GRIP1: variants seen among roughly 807,000 people sequenced by gnomAD.
GRIP1 encodes the protein glutamate receptor interacting protein 1.
A neutral mutation model predicts 129.9 loss-of-function variants in GRIP1; 45 were observed. The observed-to-expected ratio is 0.35, with a 90% confidence interval of 0.27 to 0.44. The LOEUF (loss-of-function observed/expected upper bound fraction) is 0.44, where lower values mean the gene tolerates loss of function less well. GRIP1 is among the 20% of genes least tolerant of loss of function. GRIP1 has a pLI of 1.00. For synonymous variants in GRIP1, 530 were observed against 520.8 expected, an observed-to-expected ratio of 1.02 and a Z score of -0.24; for missense variants, 1,196 against 1,396.8, an observed-to-expected ratio of 0.86 and a Z score of 2.29.
At chr12:66,962,567 G>A (rs1031072315) in intron 1 of GRIP1, among the ~76,000 whole-genome samples, 3 of 152,066 alleles carry the variant, frequency 2.0e-5, no homozygotes, top group Non-Finnish European at 2.9e-5. Context: ...CCCCTATGAA[G>A]CCACGGCATT....
At chr12:66,722,650 A>C (rs148644985) in intron 1 of GRIP1, among the ~76,000 whole-genome samples, 8 of 152,342 alleles carry the variant, frequency 5.3e-5, no homozygotes, top group African/African-American at 1.7e-4. Flanking sequence ...TTTTCTGTGA[A>C]GCACATAGGG....
intron 1 of GRIP1, among the ~76,000 whole-genome samples, chr12:66,654,830 G>A (rs999648544): frequency 8.5e-5 from 13 of 152,128 alleles, no homozygotes; most frequent in African/African-American, 1.2e-4. Context: ...GTTAGCCACT[G>A]GGGATAAACA....
intron 1 of GRIP1, among the ~76,000 whole-genome samples, chr12:66,727,103 C>T (rs993023056): frequency 1.1e-4 from 16 of 152,110 alleles, no homozygotes; most frequent in Non-Finnish European, 2.2e-4. Flanking sequence ...TTTAAAGTCA[C>T]GATTAGAAGA....
chr12:66,630,554 G>T (rs778837680), intron 1 of GRIP1, among the ~76,000 whole-genome samples: 1 of 152,152 alleles, frequency 6.6e-6, no homozygotes, highest in Non-Finnish European at 1.5e-5. Context: ...TCTTGGAGAA[G>T]TTAGTTGAAA....
chr12:66,909,956 T>A (rs1335171320), intron 1 of GRIP1, among the ~76,000 whole-genome samples: 3 of 152,046 alleles, frequency 2.0e-5, no homozygotes, highest in African/African-American at 7.2e-5. Context: ...ACAACTTAAG[T>A]TTTTTTTATC....
rs149473925 is a variant in GRIP1, at chr12:66,722,337, G to A, written c.-420+81716C>T. 2.1e-3 allele frequency among the ~76,000 whole-genome samples: 320 copies of A among 152,230 alleles called. 1 individual carries two copies. The highest frequency in any genetic ancestry group is 6.7e-3 in the African/African-American group (280 of 41,522). ...CTAATTTCAATATTGTTGTGTCTCA[G>A]GGAATAGGAAGGTCCCAGGAGAGGG... On this transcript the variant is annotated intron_variant, in intron 1 of 4. Coordinates refer to the GRIP1 transcript ENST00000538373.
chr12:66,455,414 C>A lies in GRIP1; in HGVS notation c.1349G>T (p.Ser450Ile). 6.2e-7 allele frequency: 1 copy of A among 1,614,134 alleles called. No homozygotes were observed. The highest frequency in any genetic ancestry group is 8.5e-7 in the Non-Finnish European group (1 of 1,179,980). ...RRRLKKKDFK[S>I]SLSLASSTVG... ...TTGGCTGTCATTTCACTTACATGAG[C>A]TTTTGAAGTCTTTCTTTTTCAGTCT... The change falls in exon 11 of 25, where the codon AGC becomes ATC. Residue 450 changes from serine to isoleucine, a missense_variant. By Grantham distance (142) the Ser-to-Ile change is moderately radical. Coordinates refer to ENST00000359742, the MANE Select transcript of GRIP1 (RefSeq NM_001366722.1).
chr12:66,361,946 A>G (rs774816653), intron 23 of GRIP1, among the ~76,000 whole-genome samples: 30 of 152,154 alleles, frequency 2.0e-4, no homozygotes, highest in Non-Finnish European at 3.8e-4. Context: ...GCACACTGTC[A>G]TTCAGAAAGG....
At chr12:66,909,869 A>G (rs2041000051) in intron 1 of GRIP1, among the ~76,000 whole-genome samples, 1 of 152,184 alleles carries the variant, frequency 6.6e-6, no homozygotes, top group Non-Finnish European at 1.5e-5. Flanking sequence ...TACTGCCATA[A>G]TAATGTCAAA....
chr12:66,360,807 G>A (rs897500891), intron 23 of GRIP1, among the ~76,000 whole-genome samples: 1 of 152,148 alleles, frequency 6.6e-6, no homozygotes, highest in African/African-American at 2.4e-5. Context: ...CTCCCCACTT[G>A]GATTTTAAGG....
intron 1 of GRIP1, among the ~76,000 whole-genome samples, chr12:67,008,438 A>G (rs1392797049): frequency 1.3e-5 from 2 of 152,196 alleles, no homozygotes; most frequent in Non-Finnish European, 2.9e-5. Context: ...GCCACTCAAT[A>G]CATCATTATT....
chr12:66,923,273 A>G (rs968648653), intron 1 of GRIP1, among the ~76,000 whole-genome samples: 4 of 152,176 alleles, frequency 2.6e-5, no homozygotes, highest in East Asian at 1.9e-4. Context: ...TTGAACTGGG[A>G]AAGTCGAGGC....
chr12:66,462,988 G>A lies in GRIP1; in HGVS notation c.978C>T (p.Asp326=). The A allele has an allele frequency of 1.2e-6, 2 of 1,614,054 alleles. No homozygotes were observed. The highest frequency in any genetic ancestry group is 8.5e-7 in the Non-Finnish European group (1 of 1,179,982). The change falls in exon 9 of 25, where the codon GAC becomes GAT. Residue 326 remains aspartate (D), a synonymous_variant. Coordinates refer to ENST00000359742, the MANE Select transcript of GRIP1 (RefSeq NM_001366722.1). ...EATQFLANTT[D]QVKLEILPHH... ...GGGGAAGGATCTCAAGCTTGACCTG[G>A]TCAGTGGTGTTGGCCAGGAACTGGG...
chr12:66,417,401 T>C (rs2057646375), intron 15 of GRIP1, among the ~76,000 whole-genome samples: 1 of 152,154 alleles, frequency 6.6e-6, no homozygotes, highest in African/African-American at 2.4e-5. Flanking sequence ...ATGCTCACTG[T>C]CACCACTGTT....
At chr12:67,045,290 AG>A (rs1045500044) in intron 1 of GRIP1, among the ~76,000 whole-genome samples, 3 of 152,206 alleles carry the variant, frequency 2.0e-5, no homozygotes, top group African/African-American at 7.2e-5. Flanking sequence ...AAGGACAGGA[AG>A]GGAGGGAGAC....
chr12:66,871,914 G>A (rs1467804244), intron 1 of GRIP1, among the ~76,000 whole-genome samples: 2 of 152,060 alleles, frequency 1.3e-5, no homozygotes, highest in African/African-American at 4.8e-5. Context: ...TCTATCAGCT[G>A]ACTCTAGTTT....
chr12:66,640,583 C>T (rs563729557), intron 1 of GRIP1, among the ~76,000 whole-genome samples: 1 of 152,226 alleles, frequency 6.6e-6, no homozygotes, highest in East Asian at 1.9e-4. Context: ...CTTTGGTTTC[C>T]AGATCAGTCT....
chr12:66,731,057 CAT>C (rs2036421356), intron 1 of GRIP1, among the ~76,000 whole-genome samples: 2 of 150,396 alleles, frequency 1.3e-5, no homozygotes, highest in Non-Finnish European at 3.0e-5. Context: ...GCTTTGGAGT[CAT>C]ACAGCCCATG....
intron 1 of GRIP1, among the ~76,000 whole-genome samples, chr12:66,791,543 G>T: frequency 6.6e-6 from 1 of 152,150 alleles, no homozygotes; most frequent in East Asian, 1.9e-4. Flanking sequence ...TGGAGCTAAG[G>T]TTGAGCATTG....
Sources: gnomAD v4.1 joint callset for allele counts (sites outside exome capture counted in the v4.1 genomes callset) on GRCh38, gnomAD v4.1.1 for gene constraint, MANE v1.5 for transcripts, NCBI Gene and HGNC (gene_info 2026-07-23, HGNC 2026-07-21) for gene names.